The following IPP variants were observed in gnomAD, a reference collection of about 807,000 sequenced individuals.
The protein encoded by IPP is intracisternal A particle-promoted polypeptide.
A neutral mutation model predicts 64.1 loss-of-function variants in IPP; 41 were observed. That is an observed-to-expected ratio of 0.64 (90% CI 0.50 to 0.83). The LOEUF is 0.83. Ranked by LOEUF, IPP falls within the 40% of genes least tolerant of loss-of-function variation. The probability of loss-of-function intolerance (pLI) is 0.00; values close to 1 mark genes in which losing one functional copy is unlikely to be tolerated. For missense variants in IPP, 649 were observed against 703.0 expected (o/e 0.92, Z 0.87); for synonymous variants, 214 against 235.2 (o/e 0.91, Z 0.83).
intron 3 of IPP, among the ~76,000 whole-genome samples, chr1:45,731,543 A>G (rs1294001810): frequency 2.6e-5 from 4 of 152,176 alleles, no homozygotes; most frequent in African/African-American, 7.2e-5. Context: ...TGCCAAGGAG[A>G]ATTAGTTCTT....
chr1:45,732,361 C>CAAAAAAAAAAAAA (rs779442718), intron 3 of IPP, among the ~76,000 whole-genome samples: 3 of 59,754 alleles, frequency 5.0e-5, no homozygotes, highest in Non-Finnish European at 8.5e-5. Context: ...GACTCCACCT[C>CAAAAAAAAAAAAA]AAAAAAAAAA....
At chr1:45,732,165 G>C (rs1645916687) in intron 3 of IPP, among the ~76,000 whole-genome samples, 1 of 151,876 alleles carries the variant, frequency 6.6e-6, no homozygotes, top group South Asian at 2.1e-4. Flanking sequence ...TTCAAGACCA[G>C]TCTGGCCAAC....
At position 45,742,004 on chromosome 1, in the gene IPP, G is replaced by T. The variant is rs541208856; in HGVS notation, c.293-672C>A. Among the ~76,000 whole-genome samples, 93 of 152,256 alleles carry T rather than the reference G, an allele frequency of 6.1e-4. 1 individual carries two copies. The highest frequency in any genetic ancestry group is 2.2e-3 in the African/African-American group (90 of 41,546). ...GTTGCATGGTAAAGCAAGTTGCAAG[G>T]TAGGGGTTGACATCAAAGTCCATGC... On this transcript the variant is annotated intron_variant, in intron 2 of 8. Transcript: ENST00000396478.
At chr1:45,736,506 T>C (rs1645983277) in intron 3 of IPP, among the ~76,000 whole-genome samples, 1 of 152,140 alleles carries the variant, frequency 6.6e-6, no homozygotes, top group African/African-American at 2.4e-5. Flanking sequence ...TATAGTCTCA[T>C]TTTTCTACAC....
At chr1:45,702,748 C>A (rs1645471863) in intron 8 of IPP, among the ~76,000 whole-genome samples, 1 of 152,102 alleles carries the variant, frequency 6.6e-6, no homozygotes, top group Non-Finnish European at 1.5e-5. Context: ...AGCCACTGCA[C>A]CCGACCATTA....
At chr1:45,728,967 A>AATATAT (rs143919407) in intron 4 of IPP, among the ~76,000 whole-genome samples, 62 of 147,464 alleles carry the variant, frequency 4.2e-4, no homozygotes, top group Non-Finnish European at 5.8e-4. Flanking sequence ...CTCTACTTAA[A>AATATAT]ATATATATAT....
intron 1 of IPP, among the ~76,000 whole-genome samples, chr1:45,750,125 TG>T (rs1357397021): frequency 1.3e-5 from 2 of 152,098 alleles, no homozygotes; most frequent in East Asian, 3.9e-4. Flanking sequence ...TTGCTGGCTT[TG>T]AATTCACTGC....
chr1:45,695,732 CT>C (rs1480493533), downstream of IPP, among the ~76,000 whole-genome samples: 3 of 151,760 alleles, frequency 2.0e-5, no homozygotes, highest in Non-Finnish European at 4.4e-5. Context: ...TGCAATGGCG[CT>C]ATCTCGGCTC....
intron 3 of IPP, among the ~76,000 whole-genome samples, chr1:45,736,611 C>T (rs28719889): frequency 0.28 from 42,719 of 151,880 alleles, 6,143 homozygotes; most frequent in South Asian, 0.36. Flanking sequence ...ATTTACTTCT[C>T]CCTTGATCGT....
At chr1:45,719,460 A>C in intron 5 of IPP, 120 bp from the exon 6 acceptor site, 2 of 617,570 alleles carry the variant, frequency 3.2e-6, no homozygotes, top group Non-Finnish European at 5.3e-6. Context: ...GTCTGATTTT[A>C]TACTATTCAT....
At position 45,746,453 on chromosome 1, in the gene IPP, G is replaced by C; in HGVS notation, c.-42C>G. On this transcript the variant is annotated 5_prime_UTR_variant, in exon 2 of 9. Coordinates refer to ENST00000396478, the MANE Select transcript of IPP (RefSeq NM_005897.3). ...TTAAAAGGACTGTTGCCCATAATCT[G>C]TTACTACCCTGAAAAACAAAATACA... 1 of 1,492,336 alleles carries C rather than the reference G, an allele frequency of 6.7e-7. No homozygotes were observed. The highest frequency in any genetic ancestry group is 9.1e-7 in the Non-Finnish European group (1 of 1,094,000). 92.4% of individuals were successfully genotyped at this position (1,492,336 alleles called of 1,614,324 possible).
intron 3 of IPP, among the ~76,000 whole-genome samples, chr1:45,731,217 G>A (rs1011248298): frequency 6.6e-6 from 1 of 152,026 alleles, no homozygotes. Flanking sequence ...GAGGTGGGAG[G>A]ACTGTTTGAG....
At chr1:45,724,832 C>A (rs1052982658) in intron 5 of IPP, among the ~76,000 whole-genome samples, 1 of 151,162 alleles carries the variant, frequency 6.6e-6, no homozygotes, top group Non-Finnish European at 1.5e-5. Context: ...GCAGCCACCC[C>A]GTCTGGGAAG....
intron 5 of IPP, among the ~76,000 whole-genome samples, chr1:45,721,653 T>C (rs1011886768): frequency 2.0e-5 from 3 of 152,266 alleles, no homozygotes; most frequent in Non-Finnish European, 2.9e-5. Context: ...ACCTTTTAAG[T>C]CCTTTTAGCA....
chr1:45,709,572 C>T (rs147225963), intron 8 of IPP, among the ~76,000 whole-genome samples: 4 of 151,336 alleles, frequency 2.6e-5, no homozygotes, highest in South Asian at 4.2e-4. Flanking sequence ...CAACTGGGCA[C>T]GGTGGTTCAC....
intron 8 of IPP, among the ~76,000 whole-genome samples, chr1:45,702,441 C>CGTT (rs903138720): frequency 1.3e-5 from 2 of 151,946 alleles, no homozygotes; most frequent in Non-Finnish European, 2.9e-5. Flanking sequence ...AACACATTGT[C>CGTT]GTTGTTGTTG....
chr1:45,717,155 C>A, intron 6 of IPP, 138 bp from the exon 7 acceptor site: 2 of 621,922 alleles, frequency 3.2e-6, no homozygotes, highest in Non-Finnish European at 5.1e-6. Flanking sequence ...TCCACGATCC[C>A]ATGAAAAAGT....
chr1:45,697,060 TAG>T (rs1316953358), downstream of IPP: 1 of 152,220 alleles, frequency 6.6e-6, no homozygotes, highest in African/African-American at 2.4e-5. Context: ...AGTTATAGCT[TAG>T]TCTATAAATT....
intron 4 of IPP, 60 bp downstream of exon 4, chr1:45,729,554 A>T (rs1449537470): frequency 3.8e-6 from 5 of 1,330,814 alleles, no homozygotes; most frequent in Admixed American, 4.0e-5. Flanking sequence ...ACAAAATATT[A>T]AAAAGGTTTG....
Sources: allele counts gnomAD v4.1 joint callset (sites outside exome capture counted in the v4.1 genomes callset), GRCh38; gene constraint gnomAD v4.1.1; transcripts MANE v1.5; gene names NCBI Gene and HGNC (gene_info 2026-07-23, HGNC 2026-07-21).